The following PCNT variants were observed in gnomAD, a reference collection of about 807,000 sequenced individuals.
PCNT encodes kendrin.
Under a neutral mutation model 380.4 loss-of-function variants are expected in PCNT, and 319 were observed. That is an observed-to-expected ratio of 0.84 (90% CI 0.77 to 0.92). The LOEUF is 0.92. PCNT is among the 40% of genes least tolerant of loss of function. The pLI, the probability that PCNT is intolerant of heterozygous loss-of-function variation, is 0.00. For synonymous variants in PCNT, 1,845 were observed against 1,735.2 expected, an observed-to-expected ratio of 1.06 and a Z score of -1.57; for missense variants, 4,400 against 4,255.3, an observed-to-expected ratio of 1.03 and a Z score of -0.95.
At chr21:46,327,882 CCCCCATGGGCAG>C (rs1311560796) in intron 2 of PCNT, among the ~76,000 whole-genome samples, 2 of 152,170 alleles carry the variant, frequency 1.3e-5, no homozygotes, top group African/African-American at 4.8e-5. Flanking sequence ...TGCAGGGGCA[CCCCCATGGGCAG>C]GTGTGGCAGG....
intron 25 of PCNT, 121 bp from the exon 26 acceptor site, chr21:46,401,430 G>T: frequency 1.2e-6 from 1 of 816,244 alleles, no homozygotes; most frequent in South Asian, 1.4e-5. Flanking sequence ...GTGCAGGGGC[G>T]TGCAGGTCCA....
rs138617654 is a variant in PCNT, at chr21:46,354,023, A to G, written c.1716A>G (p.Lys572=). The G allele has an allele frequency of 3.2e-5, 52 of 1,614,014 alleles. 1 individual carries two copies. The South Asian group carries it at 4.8e-4, about 15-fold the overall frequency. ...SCVGLEEKPE[K]GRKDHVDELE... is the part of the protein sequence containing the mutation. Reference sequence around the variant, plus strand: ...TGGGTTTAGAAGAGAAACCTGAGAAAGGAAGAAAAGATCACGTTGATGAAC... The same window carrying G: ...TGGGTTTAGAAGAGAAACCTGAGAAGGGAAGAAAAGATCACGTTGATGAAC... The change falls in exon 11 of 47, where the codon AAA becomes AAG. Residue 572 remains lysine, a synonymous_variant. Coordinates refer to ENST00000359568, the MANE Select transcript of PCNT (RefSeq NM_006031.6).
At chr21:46,332,736 T>C (rs1208956708) in intron 2 of PCNT, among the ~76,000 whole-genome samples, 4 of 152,262 alleles carry the variant, frequency 2.6e-5, no homozygotes. Flanking sequence ...ACTCATCTAA[T>C]GATCCCGAAA....
At chr21:46,396,739 GA>G (rs2086222354) in intron 21 of PCNT, among the ~76,000 whole-genome samples, 1 of 152,108 alleles carries the variant, frequency 6.6e-6, no homozygotes, top group Non-Finnish European at 1.5e-5. Context: ...GAGTAGCTGG[GA>G]TTACAGGCAC....
At chr21:46,349,640 G>C in intron 7 of PCNT, 44 bp from the exon 8 acceptor site, 1 of 1,601,960 alleles carries the variant, frequency 6.2e-7, no homozygotes, top group Non-Finnish European at 8.6e-7. Flanking sequence ...CTGTTGAGGA[G>C]AGTGATGTCT....
At chr21:46,373,222 G>A (rs1569215916) in intron 15 of PCNT, among the ~76,000 whole-genome samples, 1 of 151,932 alleles carries the variant, frequency 6.6e-6, no homozygotes, top group African/African-American at 2.4e-5. Flanking sequence ...TCACTGTGTT[G>A]CCCAGGCTGG....
In PCNT at chr21:46,389,247, A is replaced by T. The variant is rs756004600; in HGVS notation, c.3656A>T (p.Asp1219Val). ...TWSDVALPEL[D>V]RTLSECAEMS... ...TCTGATGTGGCCCTCCCGGAGTTGG[A>T]CAGAACTTTGTCTGAATGTGCAGAG... is the stretch of plus-strand genomic sequence containing the variant. Residue 1219 changes from aspartate to valine, a missense_variant, in exon 19 of 47, where the codon GAC becomes GTC. Physicochemically the swap from Asp to Val is radical, Grantham distance 152. Transcript: ENST00000359568. The T allele has an allele frequency of 1.2e-6, 2 of 1,614,076 alleles. No homozygotes were observed. Among genetic ancestry groups the T allele is most frequent in the Non-Finnish European group, 8.5e-7 (1 of 1,180,040 alleles).
chr21:46,398,059 G>C lies in PCNT; in HGVS notation c.4492G>C (p.Glu1498Gln). 6.3e-7 allele frequency: 1 copy of C among 1,597,638 alleles called. No individual in the cohort carries two copies. The highest frequency in any genetic ancestry group is 8.5e-7 in the Non-Finnish European group (1 of 1,173,170). ...REHEREEFQQ[E>Q]IQRLEGQLRQ... is the part of the protein sequence containing the mutation. ...GCACGAGCGCGAGGAGTTCCAGCAG[G>C]AGATTCAGAGGCTGGAGGGGCAGCT... The change falls in exon 23 of 47, where the codon GAG becomes CAG. Residue 1498 changes from glutamate (E) to glutamine (Q), a missense_variant. Coordinates refer to ENST00000359568, the MANE Select transcript of PCNT (RefSeq NM_006031.6).
chr21:46,379,530 T>C (rs1326864844), intron 15 of PCNT, among the ~76,000 whole-genome samples: 1 of 152,140 alleles, frequency 6.6e-6, no homozygotes, highest in Non-Finnish European at 1.5e-5. Context: ...TTTGGGAGGT[T>C]TTTGGCCGTC....
chr21:46,412,664 C>G (rs1024812047), intron 28 of PCNT, among the ~76,000 whole-genome samples, 173 bp from the exon 29 acceptor site: 2 of 152,220 alleles, frequency 1.3e-5, no homozygotes, highest in Non-Finnish European at 2.9e-5. Flanking sequence ...GGTCCTCAGC[C>G]CCGTTCCCAT....
rs1343585880 is a variant in PCNT at position 46,437,031 on chromosome 21, C to T, written c.9049C>T (p.His3017Tyr). ...SNEKAVMSLL[H>Y]TLEELKSDLS... Reference sequence around the variant, plus strand: ...TGAGAAAGCAGTGATGTCTTTACTGCACACGTTGGAGGAGCTGAAGTCTGA... The same window carrying T: ...TGAGAAAGCAGTGATGTCTTTACTGTACACGTTGGAGGAGCTGAAGTCTGA... The change falls in exon 40 of 47, where the codon CAC (histidine) becomes TAC (tyrosine). Residue 3017 changes from histidine to tyrosine, a missense_variant. His to Tyr is a moderately conservative substitution (Grantham distance 83). Transcript: ENST00000359568. The T allele has an allele frequency of 1.6e-5, 26 of 1,614,064 alleles. No homozygotes were observed. The highest frequency in any genetic ancestry group is 2.0e-5 in the Non-Finnish European group (24 of 1,180,010).
At chr21:46,421,789 C>G (rs1000002238) in intron 31 of PCNT, among the ~76,000 whole-genome samples, 181 bp from the exon 32 acceptor site, 7 of 152,228 alleles carry the variant, frequency 4.6e-5, no homozygotes, top group Non-Finnish European at 8.8e-5. Flanking sequence ...GTCTTTCTCA[C>G]CAGGGTTATG....
chr21:46,391,443 C>G, intron 21 of PCNT, 67 bp downstream of exon 21: 1 of 1,330,902 alleles, frequency 7.5e-7, no homozygotes, highest in Non-Finnish European at 1.0e-6. Flanking sequence ...CACGGTTTCC[C>G]CAGCTCCCAA....
intron 24 of PCNT, 136 bp from the exon 25 acceptor site, chr21:46,399,454 C>A (rs2086348048): frequency 4.3e-6 from 3 of 702,152 alleles, no homozygotes; most frequent in South Asian, 3.1e-5. Flanking sequence ...GCCTGTGAGT[C>A]TAGGTCTCCC....
intron 33 of PCNT, among the ~76,000 whole-genome samples, chr21:46,427,163 CCTTA>C (rs1396881472): frequency 6.6e-6 from 1 of 152,238 alleles, no homozygotes; most frequent in African/African-American, 2.4e-5. Flanking sequence ...ATTTTCCTGA[CCTTA>C]CTTTATCGTC....
At chr21:46,427,428 G>A (rs1044918247) in intron 33 of PCNT, among the ~76,000 whole-genome samples, 194 bp from the exon 34 acceptor site, 12 of 152,290 alleles carry the variant, frequency 7.9e-5, no homozygotes, top group African/African-American at 1.4e-4. Context: ...TGCGGACAGC[G>A]TCTCCGTGCT....
chr21:46,404,541 C>G (rs930524858), intron 27 of PCNT, among the ~76,000 whole-genome samples: 2 of 138,274 alleles, frequency 1.4e-5, no homozygotes, highest in African/African-American at 5.1e-5. Context: ...CTGGCTACGC[C>G]TGCGTCTCCT....
chr21:46,423,734 GGAGGGGA>G (rs1348843770), intron 32 of PCNT, among the ~76,000 whole-genome samples: 4 of 3,394 alleles, frequency 1.2e-3, no homozygotes, highest in African/African-American at 3.7e-3. Context: ...AAGGGGAGGG[GGAGGGGA>G]AGAGGGGAGG....
chr21:46,385,368 C>G (rs1456431800), intron 16 of PCNT, among the ~76,000 whole-genome samples: 1 of 152,214 alleles, frequency 6.6e-6, no homozygotes, highest in East Asian at 1.9e-4. Flanking sequence ...AAAGAAAGAT[C>G]TTTGCCTGCC....
Sources: gnomAD v4.1 joint callset for allele counts (sites outside exome capture counted in the v4.1 genomes callset) on GRCh38, gnomAD v4.1.1 for gene constraint, MANE v1.5 for transcripts, NCBI Gene and HGNC (gene_info 2026-07-23, HGNC 2026-07-21) for gene names.